The following FBXO27 variants were observed in gnomAD, a reference collection of about 807,000 sequenced individuals.
FBXO27 encodes F-box protein 27, also known as F-box only protein 27.
FBXO27 carries 28 observed loss-of-function variants against 28.3 expected under a neutral mutation model. That is an observed-to-expected ratio of 0.99 (90% CI 0.73 to 1.36). The LOEUF (loss-of-function observed/expected upper bound fraction) is 1.36, where lower values mean the gene tolerates loss of function less well. Ranked by LOEUF, FBXO27 falls within the 40% of genes most tolerant of loss-of-function variation. The probability of loss-of-function intolerance (pLI) is 0.00; values close to 1 mark genes in which losing one functional copy is unlikely to be tolerated. For missense variants in FBXO27, 388 were observed against 394.1 expected, an observed-to-expected ratio of 0.98 and a Z score of 0.13; for synonymous variants, 175 against 167.3, an observed-to-expected ratio of 1.05 and a Z score of -0.36.
At chr19:39,019,511 G>C (rs866686832), downstream of FBXO27, among the ~76,000 whole-genome samples, 8 of 131,896 alleles carry the variant, frequency 6.1e-5, no homozygotes, top group South Asian at 2.4e-4. Flanking sequence ...TTCTAGAAAA[G>C]TGTAGCCATT....
chr19:39,017,300 T>C (rs891092440), intron 1 of FBXO27, among the ~76,000 whole-genome samples: 6 of 152,146 alleles, frequency 3.9e-5, no homozygotes, highest in Non-Finnish European at 8.8e-5. Flanking sequence ...AGCAAGGGAT[T>C]TGTTTTATAC....
At chr19:39,030,995 C>T in intron 4 of FBXO27, 34 bp downstream of exon 4, 5 of 1,572,784 alleles carry the variant, frequency 3.2e-6, no homozygotes, top group Non-Finnish European at 3.5e-6. Context: ...GCAGTCAGTG[C>T]TTAGCAAGGG....
At chr19:39,025,675 C>A in intron 5 of FBXO27, 121 bp from the exon 6 acceptor site, 2 of 1,270,174 alleles carry the variant, frequency 1.6e-6, no homozygotes, top group Non-Finnish European at 2.1e-6. Context: ...AATTGGGCCA[C>A]ATGTTCTTCT....
At position 39,032,049 on chromosome 19, in the gene FBXO27, A is replaced by G; in HGVS notation, c.179T>C (p.Leu60Pro). 1 of 1,529,094 alleles carries G rather than the reference A, an allele frequency of 6.5e-7. No homozygotes were observed. Among genetic ancestry groups the G allele is most frequent in the Non-Finnish European group, 8.7e-7 (1 of 1,143,462 alleles). 94.7% of individuals were successfully genotyped at this position (1,529,094 alleles called of 1,614,324 possible). A position where few individuals can be genotyped will look rare whatever the true frequency, so the allele number is the denominator to read the frequency against. ...CRQVCRGWRALVDGQALWLLI... is the reference protein window; with the variant it reads ...CRQVCRGWRAPVDGQALWLLI... The stretch of plus-strand genomic sequence containing the variant: ...CAGCCACAGGGCCTGGCCGTCCACC[A>G]GGGCTCGCCAGCCCCGGCACACTTG... Residue 60 changes from leucine (L) to proline (P), a missense_variant, in exon 2 of 6, where the codon CTG (leucine) becomes CCG (proline). Transcript: ENST00000292853. This position sits in a 1 kb window ranked among gnomAD's most constrained non-coding sequence, Gnocchi z 4.7.
rs2072875354 is a variant in FBXO27 at position 39,026,866 on chromosome 19, T to C, written c.708+4A>G. On this transcript the variant is annotated splice_donor_region_variant and intron_variant, in intron 5 of 5. Coordinates refer to ENST00000292853, the MANE Select transcript of FBXO27 (RefSeq NM_178820.5). ...CTTTCCCCAAACCCCCATAGGAGACTCACGTGAAGGCAGGCATTGTTGTTC... is the reference window on the plus strand; with the variant it reads ...CTTTCCCCAAACCCCCATAGGAGACCCACGTGAAGGCAGGCATTGTTGTTC... The C allele has an allele frequency of 6.2e-7, 1 of 1,613,996 alleles. No homozygotes were observed. Among genetic ancestry groups the C allele is most frequent in the African/African-American group, 1.3e-5 (1 of 74,910 alleles).
At chr19:39,018,956 C>T (rs2072831906) in intron 1 of FBXO27, among the ~76,000 whole-genome samples, 1 of 151,474 alleles carries the variant, frequency 6.6e-6, no homozygotes, top group East Asian at 1.9e-4. Flanking sequence ...GTAATCCCAG[C>T]TACTTGGGAG....
chr19:39,025,905 C>T (rs2072870805), intron 5 of FBXO27, among the ~76,000 whole-genome samples: 1 of 152,046 alleles, frequency 6.6e-6, no homozygotes, highest in Non-Finnish European at 1.5e-5. Context: ...GTAGTCCCAT[C>T]TACTCGGGAG....
intron 2 of FBXO27, among the ~76,000 whole-genome samples, chr19:39,008,697 T>C (rs922416804): frequency 1.3e-5 from 2 of 152,198 alleles, no homozygotes; most frequent in Non-Finnish European, 1.5e-5. Context: ...CTATTTCCTG[T>C]CTCCACAGAT....
In FBXO27 at chr19:39,025,342, G is replaced by T; in HGVS notation, c.*69C>A. On this transcript the variant is annotated 3_prime_UTR_variant, in exon 6 of 6. Coordinates refer to ENST00000292853, the MANE Select transcript of FBXO27 (RefSeq NM_178820.5). ...ACAAGTGCTTGGTTGGTTAATGAGG[G>T]GTCCCAGCCAATGGTCCCAGGCCCT... 1 of 1,538,600 alleles carries T rather than the reference G, an allele frequency of 6.5e-7. No homozygotes were observed. The highest frequency in any genetic ancestry group is 8.8e-7 in the Non-Finnish European group (1 of 1,137,356).
At chr19:39,025,895 G>C (rs1037033060) in intron 5 of FBXO27, among the ~76,000 whole-genome samples, 1 of 152,098 alleles carries the variant, frequency 6.6e-6, no homozygotes, top group African/African-American at 2.4e-5. Context: ...GCACGTGCCT[G>C]TAGTCCCATC....
intron 1 of FBXO27, among the ~76,000 whole-genome samples, chr19:39,018,280 T>C (rs1600224587): frequency 6.6e-6 from 1 of 152,200 alleles, no homozygotes; most frequent in East Asian, 1.9e-4. Context: ...TGTGAAATCA[T>C]AATTGCACGA....
chr19:39,032,294 C>T lies in FBXO27; in HGVS notation c.-26-41G>A, dbSNP rs2072911309. The T allele has an allele frequency of 7.3e-7, 1 of 1,374,056 alleles. No homozygotes were observed. Among genetic ancestry groups the T allele is most frequent in the Non-Finnish European group, 9.3e-7 (1 of 1,076,264 alleles). The allele number at this position is 1,374,056 out of a possible 1,614,324, so 85.1% of individuals were successfully genotyped here. A position where few individuals can be genotyped will look rare whatever the true frequency, so the allele number is the denominator to read the frequency against. ...GGTCAAGGCGTCAGGGACCAGCAGC[C>T]TCCGCGGCGCGCAGCCTCTGCCTGC... is the stretch of plus-strand genomic sequence containing the variant. On this transcript the variant is annotated intron_variant, in intron 1 of 5. Transcript: ENST00000292853. The surrounding 1 kb of genome is among the most constrained non-coding windows in gnomAD (Gnocchi z 4.7).
chr19:39,015,569 G>C (rs556437744), intron 1 of FBXO27, among the ~76,000 whole-genome samples: 37 of 152,248 alleles, frequency 2.4e-4, no homozygotes, highest in African/African-American at 8.9e-4. Flanking sequence ...TTAGGCTGCA[G>C]TGAGCCATGG....
intron 1 of FBXO27, among the ~76,000 whole-genome samples, chr19:39,018,776 T>A (rs2144889454): frequency 6.6e-6 from 1 of 152,216 alleles, no homozygotes; most frequent in Non-Finnish European, 1.5e-5. Flanking sequence ...TATCTCATAC[T>A]GAAAATGCAA....
downstream of FBXO27, among the ~76,000 whole-genome samples, chr19:39,022,420 C>T (rs1228790089): frequency 2.0e-5 from 3 of 151,512 alleles, no homozygotes; most frequent in Non-Finnish European, 4.4e-5. Context: ...GGATTATAGG[C>T]GTGAGCCACC....
Position 39,024,035 on chromosome 19 carries a change from G to T in FBXO27, c.*1376C>A, listed in dbSNP as rs968901163. The T allele has an allele frequency of 1.3e-5, 2 of 152,078 alleles. No individual in the cohort carries two copies. The highest frequency in any genetic ancestry group is 4.8e-5 in the African/African-American group (2 of 41,414). 9.4% of individuals were successfully genotyped at this position (152,078 alleles called of 1,614,324 possible). ...ATCTGAAGTGGTTTTGGCAAAATAA[G>T]AAATTTATTACATATGATTGGCAGA... is the stretch of plus-strand genomic sequence containing the variant. On this transcript the variant is annotated 3_prime_UTR_variant, in exon 6 of 6. Transcript: ENST00000292853.
intron 2 of FBXO27, among the ~76,000 whole-genome samples, chr19:39,012,837 G>A (rs77338126): frequency 0.088 from 13,326 of 151,942 alleles, 767 homozygotes; most frequent in Non-Finnish European, 0.12. Context: ...GCGCGGGCCT[G>A]TAGTCCTAGG....
At chr19:39,017,626 TA>T (rs1485691154) in intron 1 of FBXO27, among the ~76,000 whole-genome samples, 1 of 149,256 alleles carries the variant, frequency 6.7e-6, no homozygotes, top group Non-Finnish European at 1.5e-5. Context: ...AGGTGGAGGT[TA>T]CTGCACTCCA....
At chr19:39,030,367 G>C (rs577502279) in intron 4 of FBXO27, 1 of 152,722 alleles carries the variant, frequency 6.5e-6, no homozygotes, top group African/African-American at 2.4e-5. Flanking sequence ...CACAGAGCTA[G>C]GGTTTGAATC....
Sources: allele counts gnomAD v4.1 joint callset (sites outside exome capture counted in the v4.1 genomes callset), GRCh38; gene constraint gnomAD v4.1.1; non-coding constraint Gnocchi (gnomAD v3.1); transcripts MANE v1.5; gene names NCBI Gene and HGNC (gene_info 2026-07-23, HGNC 2026-07-21).